Variants in MRPS22 observed in about 807,000 individuals in gnomAD.
MRPS22 encodes small ribosomal subunit protein mS22.
MRPS22 carries 30 observed loss-of-function variants against 44.0 expected under a neutral mutation model. The ratio of observed to expected loss-of-function variants is 0.68; its 90% CI spans 0.51 to 0.93. MRPS22 has a LOEUF of 0.93. MRPS22 is among the 40% of genes least tolerant of loss of function. The pLI is 0.00. For missense variants in MRPS22, 447 were observed against 447.8 expected (o/e 1.00, Z 0.02); for synonymous variants, 165 against 154.4 (o/e 1.07, Z -0.51).
At chr3:139,354,993 A>G (rs1249463509) in intron 6 of MRPS22, among the ~76,000 whole-genome samples, 1 of 152,226 alleles carries the variant, frequency 6.6e-6, no homozygotes, top group Non-Finnish European at 1.5e-5. Context: ...TCTGAGAAGT[A>G]CAGACCAGAA....
chr3:139,347,361 C>G (rs1455956093), intron 2 of MRPS22, among the ~76,000 whole-genome samples: 1 of 152,146 alleles, frequency 6.6e-6, no homozygotes, highest in Non-Finnish European at 1.5e-5. Context: ...CTACTGTGAT[C>G]TGCCTTGGGG....
At chr3:139,346,797 A>G in intron 1 of MRPS22, 81 bp from the exon 2 acceptor site, 1 of 1,451,142 alleles carries the variant, frequency 6.9e-7, no homozygotes, top group Non-Finnish European at 9.7e-7. Flanking sequence ...AATGCTTTTT[A>G]TTGTTAACTG....
At chr3:139,350,769 C>T in intron 4 of MRPS22, 1 of 600,004 alleles carries the variant, frequency 1.7e-6, no homozygotes, top group Non-Finnish European at 3.0e-6. Flanking sequence ...CCTTACCACC[C>T]AAGATGGGTT....
Position 139,349,525 on chromosome 3 carries a change from C to G in MRPS22, c.505-654C>G, listed in dbSNP as rs2107788638. On this transcript the variant is annotated intron_variant, in intron 3 of 7. Transcript: ENST00000680020. ...ATAATCCACATTTCCTGCCCTTTTCCAGTTATATAACAATATCTGAGGGAT... is the reference window on the plus strand; with the variant it reads ...ATAATCCACATTTCCTGCCCTTTTCGAGTTATATAACAATATCTGAGGGAT... 2 of 229,452 alleles carry G rather than the reference C, an allele frequency of 8.7e-6. 1 individual carries two copies. The highest frequency in any genetic ancestry group is 1.1e-4 in the Admixed American group (2 of 18,082). 14.2% of individuals were successfully genotyped at this position (229,452 alleles called of 1,614,324 possible). A position where few individuals can be genotyped will look rare whatever the true frequency, so the allele number is the denominator to read the frequency against.
chr3:139,354,627 A>G (rs1367869806), intron 6 of MRPS22, among the ~76,000 whole-genome samples: 1 of 152,166 alleles, frequency 6.6e-6, no homozygotes, highest in Non-Finnish European at 1.5e-5. Flanking sequence ...CCTCAGTATA[A>G]GCCCAGAGCA....
chr3:139,354,219 C>T (rs1941203582), intron 6 of MRPS22, among the ~76,000 whole-genome samples: 2 of 152,202 alleles, frequency 1.3e-5, no homozygotes, highest in Non-Finnish European at 2.9e-5. Flanking sequence ...CACATTTATT[C>T]CAGACTCAGT....
At position 139,357,025 on chromosome 3, in the gene MRPS22, A is replaced by AAAATACATTTATTTTACT; in HGVS notation, c.*18_*35dup. On this transcript the variant is annotated 3_prime_UTR_variant, in exon 8 of 8. Coordinates refer to ENST00000680020, the MANE Select transcript of MRPS22 (RefSeq NM_020191.4). ...TCTGCAGCTTCCTAAAAATATTTTA[A>AAAATACATTTATTTTACT]AAATACATTTATTTTACTAAATACT... 6.3e-7 allele frequency: 1 copy of AAAATACATTTATTTTACT among 1,576,572 alleles called. No individual in the cohort carries two copies. The highest frequency in any genetic ancestry group is 8.7e-7 in the Non-Finnish European group (1 of 1,148,742).
At chr3:139,349,043 T>C (rs935213849) in intron 3 of MRPS22, 8 of 291,736 alleles carry the variant, frequency 2.7e-5, no homozygotes, top group Non-Finnish European at 5.4e-5. Context: ...TATTAATCTT[T>C]TATTATACAT....
rs755944286 is a variant in MRPS22 at position 139,352,712 on chromosome 3, A to C, written c.798A>C (p.Arg266Ser). 1.2e-6 allele frequency: 2 copies of C among 1,613,610 alleles called. No individual in the cohort carries two copies. Among genetic ancestry groups the C allele is most frequent in the South Asian group, 2.2e-5 (2 of 91,076 alleles). Residue 266 changes from arginine to serine, a missense_variant, in exon 6 of 8, where the codon AGA becomes AGC. By Grantham distance (110) the Arg-to-Ser change is moderately radical. Coordinates refer to ENST00000680020, the MANE Select transcript of MRPS22 (RefSeq NM_020191.4). ...AATATGACCTTTTACGTTCAACAAGATACTTTGGTGGAATGGTGTGGTATT... is the reference window on the plus strand; with the variant it reads ...AATATGACCTTTTACGTTCAACAAGCTACTTTGGTGGAATGGTGTGGTATT... ...RGKYDLLRST[R>S]YFGGMVWYFV...
In MRPS22 at chr3:139,350,958, C is replaced by G; in HGVS notation, c.649-19C>G. ...CTTCAGTGTTCTCATGTGATGCTAA[C>G]TCTGCTGTGTGGTTTTAGACTATGT... On this transcript the variant is annotated intron_variant, in intron 4 of 7. Coordinates refer to ENST00000680020, the MANE Select transcript of MRPS22 (RefSeq NM_020191.4). The G allele has an allele frequency of 1.2e-6, 2 of 1,607,350 alleles. No homozygotes were observed. Among genetic ancestry groups the G allele is most frequent in the South Asian group, 2.2e-5 (2 of 90,968 alleles).
chr3:139,354,520 T>C (rs774113056), intron 6 of MRPS22, among the ~76,000 whole-genome samples: 1 of 152,176 alleles, frequency 6.6e-6, no homozygotes, highest in Non-Finnish European at 1.5e-5. Flanking sequence ...ACAAGCACAA[T>C]AGATTTGTGA....
At chr3:139,350,649 A>G (rs1941129293) in intron 4 of MRPS22, 1 of 402,114 alleles carries the variant, frequency 2.5e-6, no homozygotes, top group Non-Finnish European at 4.5e-6. Flanking sequence ...GCTGGTCTTG[A>G]ACTCCTGACC....
Position 139,344,153 on chromosome 3 carries a change from T to G in MRPS22, c.127T>G (p.Ser43Ala). The G allele has an allele frequency of 6.2e-7, 1 of 1,613,162 alleles. No homozygotes were observed. Among genetic ancestry groups the G allele is most frequent in the Non-Finnish European group, 8.5e-7 (1 of 1,179,714 alleles). ...HGGLLQPLPC[S>A]FEMGLPRRRF... ...TGGCCTGCTCCAACCGCTACCTTGC[T>G]CTTTCGAGATGGGGCTGCCACGCCG... Residue 43 changes from serine to alanine, a missense_variant, in exon 1 of 8, where the codon TCT becomes GCT. Ser to Ala is a moderately conservative substitution (Grantham distance 99, BLOSUM62 1). Coordinates refer to ENST00000680020, the MANE Select transcript of MRPS22 (RefSeq NM_020191.4).
chr3:139,349,049 T>C (rs1941098310), intron 3 of MRPS22: 2 of 301,922 alleles, frequency 6.6e-6, no homozygotes, highest in South Asian at 5.9e-5. Context: ...TCTTTTATTA[T>C]ACATGATTAT....
intron 6 of MRPS22, among the ~76,000 whole-genome samples, chr3:139,355,200 G>C (rs1017253492): frequency 6.6e-6 from 1 of 152,058 alleles, no homozygotes; most frequent in African/African-American, 2.4e-5. Context: ...TCTTGTAGAG[G>C]CATTTGTCTG....
At chr3:139,351,160 GA>G in intron 5 of MRPS22, 100 bp downstream of exon 5, 1 of 870,306 alleles carries the variant, frequency 1.1e-6, no homozygotes, top group Non-Finnish European at 1.9e-6. Flanking sequence ...TGATACAGGG[GA>G]AAGGGAAGAG....
At chr3:139,350,909 C>T in intron 4 of MRPS22, 68 bp from the exon 5 acceptor site, 2 of 1,292,096 alleles carry the variant, frequency 1.5e-6, no homozygotes, top group Non-Finnish European at 2.3e-6. Context: ...GCAGGCCTGT[C>T]ATGACATCAG....
intron 3 of MRPS22, 120 bp from the exon 4 acceptor site, chr3:139,350,057 CAT>C (rs1941116063): frequency 1.8e-6 from 2 of 1,113,048 alleles, no homozygotes; most frequent in Non-Finnish European, 2.7e-6. Context: ...TCATTGATCT[CAT>C]ATGCATGATT....
chr3:139,344,554 C>T, intron 1 of MRPS22: 1 of 614,044 alleles, frequency 1.6e-6, no homozygotes, highest in Non-Finnish European at 2.9e-6. Flanking sequence ...GAGAGGCACT[C>T]AAACTAGGTT....
Sources: allele counts gnomAD v4.1 joint callset (sites outside exome capture counted in the v4.1 genomes callset), GRCh38; gene constraint gnomAD v4.1.1; transcripts MANE v1.5; gene names NCBI Gene and HGNC (gene_info 2026-07-23, HGNC 2026-07-21).